Variants in ZNF385B observed in about 807,000 individuals in gnomAD.
ZNF385B encodes zinc finger protein 533.
ZNF385B carries 23 observed loss-of-function variants against 39.2 expected under a neutral mutation model. That is an observed-to-expected ratio of 0.59 (90% CI 0.42 to 0.83). ZNF385B has a LOEUF of 0.83. ZNF385B is among the 40% of genes least tolerant of loss of function. The pLI is 0.00. For synonymous variants in ZNF385B, 205 were observed against 222.6 expected (o/e 0.92, Z 0.70); for missense variants, 552 against 598.9 (o/e 0.92, Z 0.82).
At chr2:179,678,978 T>A (rs1697234174) in intron 3 of ZNF385B, among the ~76,000 whole-genome samples, 1 of 152,216 alleles carries the variant, frequency 6.6e-6, no homozygotes, top group Admixed American at 6.5e-5. Flanking sequence ...AAATTATAAT[T>A]TCCTTAAGGT....
At chr2:179,493,667 G>A (rs140796177) in intron 5 of ZNF385B, among the ~76,000 whole-genome samples, 4,238 of 91,106 alleles carry the variant, frequency 0.047, 504 homozygotes, top group East Asian at 0.082. Context: ...ATATGTATAT[G>A]CATATGCATA....
intron 1 of ZNF385B, among the ~76,000 whole-genome samples, chr2:179,805,148 G>A (rs1007438590): frequency 2.2e-4 from 34 of 152,030 alleles, no homozygotes; most frequent in Non-Finnish European, 2.2e-4. Flanking sequence ...CTTGGAACCC[G>A]GCCACTGTAC....
intron 1 of ZNF385B, among the ~76,000 whole-genome samples, chr2:179,808,249 G>A (rs1455809046): frequency 6.6e-6 from 1 of 152,124 alleles, no homozygotes; most frequent in Non-Finnish European, 1.5e-5. Flanking sequence ...AGCCAGGATG[G>A]TCTCGATCTC....
chr2:179,587,876 G>A (rs1368482336), intron 3 of ZNF385B, among the ~76,000 whole-genome samples: 1 of 152,090 alleles, frequency 6.6e-6, no homozygotes, highest in Non-Finnish European at 1.5e-5. Flanking sequence ...CTAATAATAA[G>A]TCCCGTTCTT....
intron 4 of ZNF385B, among the ~76,000 whole-genome samples, chr2:179,521,296 C>T (rs1467152514): frequency 6.6e-6 from 1 of 150,894 alleles, no homozygotes; most frequent in East Asian, 1.9e-4. Context: ...AAGCAATTCT[C>T]CTGTCTCAGC....
chr2:179,852,531 G>C (rs1162098067), intron 1 of ZNF385B, among the ~76,000 whole-genome samples: 1 of 152,166 alleles, frequency 6.6e-6, no homozygotes, highest in African/African-American at 2.4e-5. Flanking sequence ...CATATACCAT[G>C]AGTGAGCTCA....
chr2:179,779,400 G>C (rs1704533312), intron 1 of ZNF385B, among the ~76,000 whole-genome samples: 2 of 152,258 alleles, frequency 1.3e-5, no homozygotes, highest in South Asian at 4.1e-4. Flanking sequence ...GAGCAGAGCA[G>C]GGCCTGGTTG....
At chr2:179,673,960 T>C (rs1696401182) in intron 3 of ZNF385B, among the ~76,000 whole-genome samples, 1 of 152,186 alleles carries the variant, frequency 6.6e-6, no homozygotes, top group Admixed American at 6.5e-5. Flanking sequence ...AAATGTTTGA[T>C]ATAACTATCA....
chr2:179,515,170 TTCAG>T, intron 5 of ZNF385B, among the ~76,000 whole-genome samples: 1 of 152,328 alleles, frequency 6.6e-6, no homozygotes, highest in African/African-American at 2.4e-5. Flanking sequence ...ACCCCTATTA[TTCAG>T]TCAGTGTTCA....
chr2:179,524,490 T>C (rs1251912643), intron 4 of ZNF385B, among the ~76,000 whole-genome samples: 3 of 128,964 alleles, frequency 2.3e-5, no homozygotes, highest in Admixed American at 1.0e-4. Flanking sequence ...AGGCAGAGCT[T>C]GCAGTGAGCC....
intron 6 of ZNF385B, among the ~76,000 whole-genome samples, chr2:179,452,249 A>T (rs926403219): frequency 6.6e-6 from 1 of 152,000 alleles, no homozygotes; most frequent in African/African-American, 2.4e-5. Context: ...TTTCTTTGAT[A>T]CTCCTTTTAT....
At chr2:179,718,950 C>CTGTGTGTG (rs150262834) in intron 3 of ZNF385B, among the ~76,000 whole-genome samples, 1 of 149,938 alleles carries the variant, frequency 6.7e-6, no homozygotes, top group African/African-American at 2.5e-5. Context: ...CTTTAAAACT[C>CTGTGTGTG]TGTGTGTGTG....
At chr2:179,633,380 G>A (rs1038611937) in intron 3 of ZNF385B, among the ~76,000 whole-genome samples, 1 of 152,122 alleles carries the variant, frequency 6.6e-6, no homozygotes, top group Non-Finnish European at 1.5e-5. Flanking sequence ...TCATCCCTGG[G>A]ATGAAAGGCT....
At chr2:179,823,468 C>T (rs994315870) in intron 1 of ZNF385B, among the ~76,000 whole-genome samples, 31 of 152,078 alleles carry the variant, frequency 2.0e-4, no homozygotes, top group African/African-American at 7.5e-4. Flanking sequence ...TAACATTTTC[C>T]TTAACACAAA....
chr2:179,783,955 A>C (rs1410309398), intron 1 of ZNF385B, among the ~76,000 whole-genome samples: 1 of 152,202 alleles, frequency 6.6e-6, no homozygotes, highest in Non-Finnish European at 1.5e-5. Context: ...CATTTGACCC[A>C]GCAATCCCAT....
intron 3 of ZNF385B, among the ~76,000 whole-genome samples, chr2:179,596,489 A>T (rs965102308): frequency 2.6e-5 from 4 of 152,178 alleles, no homozygotes; most frequent in African/African-American, 2.4e-5. Flanking sequence ...GTTCTCTATC[A>T]GACTGAGGCC....
At chr2:179,846,145 A>C (rs940850487) in intron 1 of ZNF385B, among the ~76,000 whole-genome samples, 3 of 152,168 alleles carry the variant, frequency 2.0e-5, no homozygotes, top group African/African-American at 7.2e-5. Context: ...ATTTGATGCT[A>C]TTCAGTTATT....
At chr2:179,611,835 T>C (rs992158585) in intron 3 of ZNF385B, among the ~76,000 whole-genome samples, 1 of 152,216 alleles carries the variant, frequency 6.6e-6, no homozygotes, top group Non-Finnish European at 1.5e-5. Flanking sequence ...TAGTAGCCTC[T>C]AATGATCCCT....
chr2:179,669,867 C>A (rs1400959113), intron 3 of ZNF385B, among the ~76,000 whole-genome samples: 1 of 152,126 alleles, frequency 6.6e-6, no homozygotes, highest in Non-Finnish European at 1.5e-5. Flanking sequence ...CTATATAATA[C>A]AGAGCCCTCC....
Sources: allele counts gnomAD v4.1 joint callset (sites outside exome capture counted in the v4.1 genomes callset), GRCh38; gene constraint gnomAD v4.1.1; transcripts MANE v1.5; gene names NCBI Gene and HGNC (gene_info 2026-07-23, HGNC 2026-07-21).